The following UNC5D variants were observed in gnomAD, a reference collection of about 807,000 sequenced individuals.
UNC5D encodes unc-5 netrin receptor D.
Under a neutral mutation model 105.4 loss-of-function variants are expected in UNC5D, and 39 were observed. The observed-to-expected ratio is 0.37, with a 90% CI of 0.29 to 0.48. The LOEUF is 0.48. UNC5D is among the 20% of genes least tolerant of loss of function. UNC5D has a pLI of 0.98. For missense variants in UNC5D, 991 were observed against 1,202.4 expected (o/e 0.82, Z 2.60); for synonymous variants, 452 against 450.4 (o/e 1.00, Z -0.04).
intron 1 of UNC5D, among the ~76,000 whole-genome samples, chr8:35,527,158 G>C (rs1813941226): frequency 6.7e-6 from 1 of 149,998 alleles, no homozygotes; most frequent in South Asian, 2.1e-4. Flanking sequence ...AGACTTTTAT[G>C]ATTTTCCCTA....
intron 13 of UNC5D, among the ~76,000 whole-genome samples, 183 bp from the exon 14 acceptor site, chr8:35,759,137 C>T (rs1047785916): frequency 1.1e-4 from 16 of 152,148 alleles, no homozygotes; most frequent in African/African-American, 3.9e-4. Context: ...TGTCACTCAG[C>T]AGTTGTTAAT....
chr8:35,346,147 G>A (rs1811793686), intron 1 of UNC5D, among the ~76,000 whole-genome samples: 2 of 151,976 alleles, frequency 1.3e-5, no homozygotes, highest in Admixed American at 6.6e-5. Context: ...GGACAGCATA[G>A]GCAAGAACTG....
intron 4 of UNC5D, among the ~76,000 whole-genome samples, chr8:35,678,680 T>A (rs1193063189): frequency 1.3e-5 from 2 of 152,180 alleles, no homozygotes; most frequent in Non-Finnish European, 2.9e-5. Context: ...TTTTTATGTT[T>A]TTACTAGTTG....
chr8:35,311,508 C>T (rs951543440), intron 1 of UNC5D, among the ~76,000 whole-genome samples: 3 of 151,830 alleles, frequency 2.0e-5, no homozygotes, highest in African/African-American at 7.3e-5. Flanking sequence ...CTTCCTAGGT[C>T]TTTTGTGAGG....
intron 1 of UNC5D, among the ~76,000 whole-genome samples, chr8:35,360,435 A>G (rs560707525): frequency 6.6e-6 from 1 of 152,150 alleles, no homozygotes; most frequent in African/African-American, 2.4e-5. Context: ...ATTAAATCAG[A>G]GTTATGGAAG....
chr8:35,627,494 T>C (rs1190606536), intron 4 of UNC5D, among the ~76,000 whole-genome samples: 3 of 152,230 alleles, frequency 2.0e-5, no homozygotes, highest in African/African-American at 7.2e-5. Flanking sequence ...GTTGGTCTTC[T>C]TCTGTCTGAG....
intron 1 of UNC5D, among the ~76,000 whole-genome samples, chr8:35,438,347 T>C (rs1444817267): frequency 6.6e-6 from 1 of 152,066 alleles, no homozygotes; most frequent in East Asian, 1.9e-4. Flanking sequence ...TTAAAAAAGA[T>C]TAAGTGACGT....
intron 1 of UNC5D, among the ~76,000 whole-genome samples, chr8:35,339,529 G>A (rs1811304111): frequency 6.6e-6 from 1 of 152,206 alleles, no homozygotes; most frequent in Non-Finnish European, 1.5e-5. Flanking sequence ...AAAGGTGCAA[G>A]GGAATTTCAG....
intron 1 of UNC5D, among the ~76,000 whole-genome samples, chr8:35,288,504 CA>C (rs1262228263): frequency 1.3e-5 from 2 of 152,024 alleles, no homozygotes; most frequent in Admixed American, 1.3e-4. Context: ...CTTTTAATAA[CA>C]AAAGATATGT....
At chr8:35,281,225 T>C (rs1289062974) in intron 1 of UNC5D, among the ~76,000 whole-genome samples, 2 of 152,114 alleles carry the variant, frequency 1.3e-5, no homozygotes, top group Non-Finnish European at 2.9e-5. Flanking sequence ...CTCTTTTTAC[T>C]GACAATGCTA....
chr8:35,506,195 C>T (rs989802232), intron 1 of UNC5D, among the ~76,000 whole-genome samples: 1 of 152,168 alleles, frequency 6.6e-6, no homozygotes, highest in South Asian at 2.1e-4. Flanking sequence ...GTTGACTATA[C>T]ATACAAGCTG....
chr8:35,294,166 A>C (rs529412147), intron 1 of UNC5D, among the ~76,000 whole-genome samples: 9 of 152,320 alleles, frequency 5.9e-5, no homozygotes, highest in African/African-American at 2.2e-4. Flanking sequence ...CAGCTTTAAA[A>C]ATAAGGGCAA....
intron 1 of UNC5D, among the ~76,000 whole-genome samples, chr8:35,317,737 C>T (rs1415603264): frequency 6.6e-6 from 1 of 151,582 alleles, no homozygotes; most frequent in Admixed American, 6.6e-5. Flanking sequence ...TTTTACGTGA[C>T]GTAAATTATA....
intron 4 of UNC5D, among the ~76,000 whole-genome samples, chr8:35,670,884 G>GCC (rs1824749896): frequency 6.6e-6 from 1 of 152,126 alleles, no homozygotes. Flanking sequence ...AAAGATGGCA[G>GCC]AATTTTGAAT....
At chr8:35,786,799 G>A (rs765976523) in intron 16 of UNC5D, among the ~76,000 whole-genome samples, 14 of 152,130 alleles carry the variant, frequency 9.2e-5, no homozygotes, top group Non-Finnish European at 1.3e-4. Context: ...ACCTACTTTA[G>A]GTTACAAGAC....
intron 4 of UNC5D, among the ~76,000 whole-genome samples, chr8:35,635,697 C>A (rs868530831): frequency 2.6e-5 from 4 of 152,060 alleles, no homozygotes; most frequent in South Asian, 2.1e-4. Context: ...TTATACCCTG[C>A]CGGCTTTCAC....
chr8:35,267,829 AT>A (rs922403852), intron 1 of UNC5D, among the ~76,000 whole-genome samples: 1 of 151,284 alleles, frequency 6.6e-6, no homozygotes, highest in East Asian at 1.9e-4. Flanking sequence ...ATGAATACGT[AT>A]TTTTTTTTCA....
At chr8:35,450,849 C>T (rs895538264) in intron 1 of UNC5D, among the ~76,000 whole-genome samples, 2 of 152,032 alleles carry the variant, frequency 1.3e-5, no homozygotes, top group African/African-American at 2.4e-5. Context: ...ACTTATAAAA[C>T]AGGATTTTTG....
At chr8:35,630,008 G>A (rs1821939889) in intron 4 of UNC5D, among the ~76,000 whole-genome samples, 1 of 152,074 alleles carries the variant, frequency 6.6e-6, no homozygotes, top group Admixed American at 6.6e-5. Flanking sequence ...TTCCCTGGCA[G>A]TCTTTTTTAT....
Sources: gnomAD v4.1 joint callset for allele counts (sites outside exome capture counted in the v4.1 genomes callset) on GRCh38, gnomAD v4.1.1 for gene constraint, MANE v1.5 for transcripts, NCBI Gene and HGNC (gene_info 2026-07-23, HGNC 2026-07-21) for gene names.